EZH2: variants seen among roughly 807,000 people sequenced by gnomAD.
EZH2 encodes enhancer of zeste 2 polycomb repressive complex 2 subunit, also known as histone-lysine N-methyltransferase EZH2.
EZH2 carries 18 observed loss-of-function variants against 98.4 expected under a neutral mutation model. That is an observed-to-expected ratio of 0.18 (90% CI 0.13 to 0.27). EZH2 has a LOEUF of 0.27. Among genes scored for constraint, EZH2 ranks in the 10% least tolerant of loss-of-function variants. The probability of loss-of-function intolerance (pLI) is 1.00; values close to 1 mark genes in which losing one functional copy is unlikely to be tolerated. For synonymous variants in EZH2, 338 were observed against 312.3 expected, an observed-to-expected ratio of 1.08 and a Z score of -0.87; for missense variants, 470 against 935.1, an observed-to-expected ratio of 0.50 and a Z score of 6.49.
At position 148,846,614 on chromosome 7, in the gene EZH2, GA is replaced by G. The variant is rs1814116536; in HGVS notation, c.118-17del. 4 of 1,597,952 alleles carry G rather than the reference GA, an allele frequency of 2.5e-6. No homozygotes were observed. The African/African-American group carries it at 5.4e-5, about 22-fold the overall frequency. On this transcript the variant is annotated splice_polypyrimidine_tract_variant and intron_variant, in intron 2 of 19. Coordinates refer to ENST00000320356, the MANE Select transcript of EZH2 (RefSeq NM_004456.5). Reference sequence around the variant, plus strand: ...TAAACATACTCTTAAAAAAAAAAATGAAGGAGAGGAAAGGAGAAATTGTTCA... The same window carrying G: ...TAAACATACTCTTAAAAAAAAAAATGAGGAGAGGAAAGGAGAAATTGTTCA...
chr7:148,884,047 C>G (rs1361268620), intron 1 of EZH2, 117 bp downstream of exon 1: 8 of 152,176 alleles, frequency 5.3e-5, no homozygotes, highest in Non-Finnish European at 1.2e-4. Flanking sequence ...CGGTGAGCCC[C>G]GCTCGGCGAT....
intron 1 of EZH2, among the ~76,000 whole-genome samples, chr7:148,883,013 C>G (rs761106655): frequency 1.6e-4 from 25 of 152,340 alleles, no homozygotes; most frequent in Non-Finnish European, 3.2e-4. Flanking sequence ...CATAGCCATT[C>G]TATTTTGATC....
At chr7:148,833,233 C>T (rs906950581) in intron 3 of EZH2, among the ~76,000 whole-genome samples, 2 of 151,896 alleles carry the variant, frequency 1.3e-5, no homozygotes, top group East Asian at 1.9e-4. Context: ...CCGAGACGGG[C>T]GGATCACGAG....
intron 3 of EZH2, among the ~76,000 whole-genome samples, chr7:148,835,582 T>C (rs1481272151): frequency 1.3e-5 from 2 of 152,086 alleles, no homozygotes; most frequent in Admixed American, 1.3e-4. Context: ...CTGAATATAA[T>C]TACTGATACT....
intron 3 of EZH2, among the ~76,000 whole-genome samples, chr7:148,840,564 T>C (rs1464062420): frequency 6.6e-6 from 1 of 152,242 alleles, no homozygotes; most frequent in African/African-American, 2.4e-5. Context: ...ATAATCATTT[T>C]ACAATGATCT....
Position 148,834,352 on chromosome 7 carries a change from T to C in EZH2, c.247-1602A>G, listed in dbSNP as rs576307586. 2.6e-3 allele frequency among the ~76,000 whole-genome samples: 376 copies of C among 143,406 alleles called. 3 individuals are homozygous for C. Among genetic ancestry groups the C allele is most frequent in the East Asian group, 0.012 (61 of 5,024 alleles). 94.1% of individuals were successfully genotyped at this position (143,406 alleles called of 152,430 possible). On this transcript the variant is annotated intron_variant, in intron 3 of 19. Coordinates refer to ENST00000320356, the MANE Select transcript of EZH2 (RefSeq NM_004456.5). The stretch of plus-strand genomic sequence containing the variant: ...TGAAAAATCATTATATATATATATA[T>C]ACACACACACACACACACACACACA...
intron 1 of EZH2, among the ~76,000 whole-genome samples, chr7:148,868,313 A>C (rs1379957382): frequency 6.6e-6 from 1 of 152,222 alleles, no homozygotes; most frequent in Non-Finnish European, 1.5e-5. Context: ...GCTATACAGG[A>C]AGCATGGCTG....
intron 1 of EZH2, among the ~76,000 whole-genome samples, chr7:148,871,965 C>G (rs1241968211): frequency 6.6e-6 from 1 of 152,066 alleles, no homozygotes; most frequent in South Asian, 2.1e-4. Flanking sequence ...AATGGGCAAC[C>G]ATATATCCAA....
At chr7:148,874,114 A>T (rs1348749052) in intron 1 of EZH2, among the ~76,000 whole-genome samples, 1 of 149,810 alleles carries the variant, frequency 6.7e-6, no homozygotes, top group Non-Finnish European at 1.5e-5. Flanking sequence ...GGCCAGGCAC[A>T]GCGGCTCATG....
intron 1 of EZH2, among the ~76,000 whole-genome samples, chr7:148,851,951 G>A (rs1165060226): frequency 5.9e-5 from 9 of 152,192 alleles, no homozygotes; most frequent in Admixed American, 5.9e-4. Context: ...TCTACTGAAT[G>A]GACACTGTGT....
At chr7:148,866,663 T>C (rs1012452993) in intron 1 of EZH2, among the ~76,000 whole-genome samples, 2 of 147,054 alleles carry the variant, frequency 1.4e-5, no homozygotes, top group African/African-American at 5.0e-5. Context: ...TATACGTATA[T>C]GCATATATAT....
intron 1 of EZH2, among the ~76,000 whole-genome samples, chr7:148,882,095 GAATT>G (rs1449411995): frequency 2.0e-5 from 3 of 151,854 alleles, no homozygotes; most frequent in Admixed American, 6.6e-5. Flanking sequence ...TTTAAATACA[GAATT>G]AATAGTAACT....
chr7:148,850,940 C>A (rs746023126), intron 1 of EZH2, among the ~76,000 whole-genome samples: 6 of 152,094 alleles, frequency 3.9e-5, no homozygotes, highest in Non-Finnish European at 8.8e-5. Flanking sequence ...ACAAAAGTTA[C>A]GTAGCTAGAG....
In EZH2 at chr7:148,828,592, T is replaced by A; in HGVS notation, c.625+148A>T. The A allele has an allele frequency of 4.7e-6, 5 of 1,062,694 alleles. No individual in the cohort carries two copies. In the South Asian group the frequency reaches 8.6e-5, roughly 18 times the overall value. The allele number at this position is 1,062,694 out of a possible 1,614,324, so 65.8% of individuals were successfully genotyped here. ...AGTTAGCCACCCTACCTGGCCATAA[T>A]ATGTTAATTTTGATTATACTGCTAT... On this transcript the variant is annotated intron_variant, in intron 6 of 19. Transcript: ENST00000320356.
chr7:148,867,845 G>GA (rs1818762702), intron 1 of EZH2, among the ~76,000 whole-genome samples: 1 of 152,234 alleles, frequency 6.6e-6, no homozygotes, highest in Admixed American at 6.5e-5. Flanking sequence ...GCTGCTTTTA[G>GA]AAATTTCTTC....
chr7:148,832,788 A>C, intron 3 of EZH2, 38 bp from the exon 4 acceptor site: 1 of 1,306,446 alleles, frequency 7.7e-7, no homozygotes, highest in Non-Finnish European at 1.1e-6. Context: ...TTAAGAATAA[A>C]AGGACAACCT....
intron 11 of EZH2, 191 bp downstream of exon 11, chr7:148,817,031 A>T: frequency 3.2e-6 from 2 of 625,934 alleles, no homozygotes. Context: ...AAAAGTCTAC[A>T]TTGGGGAAAT....
chr7:148,874,632 A>C (rs927532542), intron 1 of EZH2, among the ~76,000 whole-genome samples: 1 of 152,204 alleles, frequency 6.6e-6, no homozygotes, highest in South Asian at 2.1e-4. Context: ...AGGAAAAGTT[A>C]TGTATTACTT....
At chr7:148,870,419 C>G (rs1253806051) in intron 1 of EZH2, among the ~76,000 whole-genome samples, 1 of 151,906 alleles carries the variant, frequency 6.6e-6, no homozygotes, top group East Asian at 2.0e-4. Flanking sequence ...GTATAAAGTT[C>G]TGGCCCAATG....
Sources: allele counts gnomAD v4.1 joint callset (sites outside exome capture counted in the v4.1 genomes callset), GRCh38; gene constraint gnomAD v4.1.1; transcripts MANE v1.5; gene names NCBI Gene and HGNC (gene_info 2026-07-23, HGNC 2026-07-21).